Variants in MAML2 observed in about 807,000 individuals in gnomAD.
MAML2 encodes mastermind like transcriptional coactivator 2, also known as mastermind-like protein 2.
MAML2 carries 22 observed loss-of-function variants against 96.1 expected under a neutral mutation model. The observed-to-expected ratio is 0.23, with a 90% CI of 0.16 to 0.33. The LOEUF (loss-of-function observed/expected upper bound fraction) is 0.33, where lower values mean the gene tolerates loss of function less well. MAML2 is among the 10% of genes least tolerant of loss of function. MAML2 has a pLI of 1.00. For missense variants in MAML2, 1,367 were observed against 1,392.4 expected (o/e 0.98, Z 0.29); for synonymous variants, 561 against 521.3 (o/e 1.08, Z -1.04).
intron 2 of MAML2, among the ~76,000 whole-genome samples, chr11:95,993,829 G>A (rs575491562): frequency 2.6e-5 from 4 of 152,226 alleles, no homozygotes; most frequent in Admixed American, 1.3e-4. Context: ...TTCTAAGGGC[G>A]ACCATCCACT....
At chr11:96,142,130 G>A (rs1198305933) in intron 1 of MAML2, among the ~76,000 whole-genome samples, 1 of 152,164 alleles carries the variant, frequency 6.6e-6, no homozygotes, top group African/African-American at 2.4e-5. Context: ...ATATTGTATG[G>A]ATAGAGCTAT....
At chr11:96,150,945 G>T (rs1232026165) in intron 1 of MAML2, among the ~76,000 whole-genome samples, 1 of 152,088 alleles carries the variant, frequency 6.6e-6, no homozygotes, top group East Asian at 1.9e-4. Flanking sequence ...AGCATCTTAA[G>T]CCCCTCCCTA....
At chr11:96,300,049 A>G (rs1406234839) in intron 1 of MAML2, among the ~76,000 whole-genome samples, 1 of 152,176 alleles carries the variant, frequency 6.6e-6, no homozygotes, top group Non-Finnish European at 1.5e-5. Flanking sequence ...TTTTAATAAG[A>G]AAAGAACAGG....
chr11:96,216,084 T>A (rs139456236), intron 1 of MAML2, among the ~76,000 whole-genome samples: 6 of 152,206 alleles, frequency 3.9e-5, no homozygotes, highest in African/African-American at 1.4e-4. Flanking sequence ...GAGTCACATG[T>A]CCCAGTCCAC....
intron 1 of MAML2, among the ~76,000 whole-genome samples, chr11:96,262,419 CTT>C (rs1862762330): frequency 6.6e-6 from 1 of 151,744 alleles, no homozygotes; most frequent in Non-Finnish European, 1.5e-5. Flanking sequence ...TTTCTTTCCT[CTT>C]GTTTTTCCCT....
At chr11:96,011,868 A>AAACACAATT (rs1380943718) in intron 2 of MAML2, among the ~76,000 whole-genome samples, 1 of 152,202 alleles carries the variant, frequency 6.6e-6, no homozygotes, top group African/African-American at 2.4e-5. Context: ...TTGGTTTGCA[A>AAACACAATT]AACACAATTT....
intron 1 of MAML2, among the ~76,000 whole-genome samples, chr11:96,251,035 G>C (rs1425221813): frequency 6.6e-6 from 1 of 152,130 alleles, no homozygotes; most frequent in East Asian, 1.9e-4. Flanking sequence ...TAAAACAAAT[G>C]CCAAAGTTTT....
intron 1 of MAML2, among the ~76,000 whole-genome samples, chr11:96,192,425 T>C (rs10831494): frequency 0.24 from 36,469 of 152,024 alleles, 4,519 homozygotes; most frequent in African/African-American, 0.26. Flanking sequence ...AGGTGCAGAA[T>C]GCTAGGTCAG....
intron 1 of MAML2, among the ~76,000 whole-genome samples, chr11:96,112,371 A>C (rs1394044018): frequency 3.3e-5 from 5 of 152,262 alleles, no homozygotes; most frequent in Admixed American, 2.0e-4. Flanking sequence ...GGCAGTGTCC[A>C]TCTCAGGAGC....
chr11:95,990,648 C>G (rs1857894371), intron 3 of MAML2, among the ~76,000 whole-genome samples: 1 of 152,160 alleles, frequency 6.6e-6, no homozygotes. Context: ...TGGCTCTCCC[C>G]TCATTGCAAA....
At chr11:96,090,460 C>A (rs1458426674) in intron 2 of MAML2, among the ~76,000 whole-genome samples, 1 of 152,146 alleles carries the variant, frequency 6.6e-6, no homozygotes, top group African/African-American at 2.4e-5. Flanking sequence ...TAGAGAAGTT[C>A]AGTGAGTCCC....
intron 2 of MAML2, among the ~76,000 whole-genome samples, chr11:96,064,605 G>A (rs1252322197): frequency 6.6e-6 from 1 of 152,084 alleles, no homozygotes; most frequent in African/African-American, 2.4e-5. Context: ...TCTTTTCTAC[G>A]AATAATAAAG....
chr11:95,994,139 C>T (rs190120186), intron 2 of MAML2, among the ~76,000 whole-genome samples: 2 of 152,302 alleles, frequency 1.3e-5, no homozygotes, highest in Admixed American at 1.3e-4. Flanking sequence ...GTTCATGCAG[C>T]ACTCTTCCCA....
At chr11:95,980,032 A>G (rs999146660) in intron 4 of MAML2, 69 bp from the exon 5 acceptor site, 3 of 1,208,910 alleles carry the variant, frequency 2.5e-6, no homozygotes, top group African/African-American at 1.5e-5. Flanking sequence ...GCACTTTTCA[A>G]TAACTCATCA....
At chr11:96,164,641 T>C (rs1299377581) in intron 1 of MAML2, among the ~76,000 whole-genome samples, 3 of 152,136 alleles carry the variant, frequency 2.0e-5, no homozygotes, top group Non-Finnish European at 4.4e-5. Context: ...CAAGCCAACA[T>C]ACAACAAATC....
At chr11:96,308,113 C>T (rs1321455749) in intron 1 of MAML2, among the ~76,000 whole-genome samples, 4 of 152,048 alleles carry the variant, frequency 2.6e-5, no homozygotes, top group Non-Finnish European at 4.4e-5. Flanking sequence ...TGGGATCACC[C>T]GACCTCAGAA....
At chr11:96,148,692 A>ACACACG (rs1393150105) in intron 1 of MAML2, among the ~76,000 whole-genome samples, 2 of 150,218 alleles carry the variant, frequency 1.3e-5, no homozygotes, top group Admixed American at 1.4e-4. Context: ...ACACACACAC[A>ACACACG]CACACACACA....
intron 1 of MAML2, among the ~76,000 whole-genome samples, chr11:96,157,899 T>C (rs551204807): frequency 5.3e-5 from 8 of 152,348 alleles, no homozygotes; most frequent in Middle Eastern, 3.4e-3. Context: ...AGATTACATT[T>C]TGTTTTCTTT....
chr11:95,985,495 C>G, intron 4 of MAML2, 36 bp downstream of exon 4: 1 of 1,266,164 alleles, frequency 7.9e-7, no homozygotes, highest in East Asian at 2.5e-5. Flanking sequence ...TTTCCTTTCA[C>G]AGCTATAATT....
Sources: allele counts gnomAD v4.1 joint callset (sites outside exome capture counted in the v4.1 genomes callset), GRCh38; gene constraint gnomAD v4.1.1; transcripts MANE v1.5; gene names NCBI Gene and HGNC (gene_info 2026-07-23, HGNC 2026-07-21).